The following FNBP1L variants were observed in gnomAD, a reference collection of about 807,000 sequenced individuals.
The protein encoded by FNBP1L is formin-binding protein 1-like.
Under a neutral mutation model 91.2 loss-of-function variants are expected in FNBP1L, and 36 were observed. The observed-to-expected ratio is 0.39, with a 90% confidence interval of 0.30 to 0.52. The LOEUF (loss-of-function observed/expected upper bound fraction) is 0.52, where lower values mean the gene tolerates loss of function less well. Among genes scored for constraint, FNBP1L ranks in the 20% least tolerant of loss-of-function variants. FNBP1L has a pLI of 0.66. For missense variants in FNBP1L, 571 were observed against 732.1 expected (o/e 0.78, Z 2.54); for synonymous variants, 242 against 237.0 (o/e 1.02, Z -0.19).
At chr1:93,474,457 G>T (rs1203413207) in intron 1 of FNBP1L, among the ~76,000 whole-genome samples, 1 of 152,170 alleles carries the variant, frequency 6.6e-6, no homozygotes, top group Non-Finnish European at 1.5e-5. Context: ...ATTGAGATAA[G>T]ATAAGCAGGG....
chr1:93,450,607 G>A (rs1452431602), intron 1 of FNBP1L, among the ~76,000 whole-genome samples: 2 of 152,164 alleles, frequency 1.3e-5, no homozygotes, highest in African/African-American at 4.8e-5. Context: ...CTAATGGATT[G>A]TAATGTAATA....
chr1:93,518,404 G>A (rs931400393), intron 2 of FNBP1L, among the ~76,000 whole-genome samples: 2 of 152,078 alleles, frequency 1.3e-5, no homozygotes, highest in African/African-American at 4.8e-5. Flanking sequence ...CACAAGACAG[G>A]GCTTCTCTTT....
intron 1 of FNBP1L, among the ~76,000 whole-genome samples, 154 bp downstream of exon 1, chr1:93,448,459 A>T (rs1369984502): frequency 6.7e-6 from 1 of 149,110 alleles, no homozygotes; most frequent in Non-Finnish European, 1.5e-5. Context: ...TTGTGTGCAG[A>T]CTCCTCTTCC....
At chr1:93,482,552 A>G (rs1669748154) in intron 1 of FNBP1L, among the ~76,000 whole-genome samples, 1 of 152,192 alleles carries the variant, frequency 6.6e-6, no homozygotes, top group African/African-American at 2.4e-5. Context: ...GTCTGAAATT[A>G]TGTATTCATT....
intron 1 of FNBP1L, among the ~76,000 whole-genome samples, chr1:93,489,760 T>C (rs1018618183): frequency 6.6e-5 from 10 of 152,206 alleles, no homozygotes; most frequent in Admixed American, 5.2e-4. Context: ...AATTCTACAA[T>C]ATTTCTCAAT....
chr1:93,488,135 G>A (rs1044121254), intron 1 of FNBP1L, among the ~76,000 whole-genome samples: 7 of 152,026 alleles, frequency 4.6e-5, no homozygotes, highest in East Asian at 1.9e-4. Flanking sequence ...CATTACCTTC[G>A]GAATATATCC....
rs975502112 is a variant in FNBP1L, at chr1:93,538,693, A to G, written c.1149+2203A>G. Among the ~76,000 whole-genome samples, 4 of 152,086 alleles carry G rather than the reference A, an allele frequency of 2.6e-5. No individual in the cohort carries two copies. In the East Asian group the frequency reaches 5.8e-4, roughly 22 times the overall value. On this transcript the variant is annotated intron_variant, in intron 10 of 16. Coordinates refer to ENST00000271234, the MANE Select transcript of FNBP1L (RefSeq NM_001164473.3). ...AAGGTAAGCTTTAGTAAGCCTGCTT[A>G]TATGTTTTTACATGGAATTTTCAGT...
At chr1:93,451,144 C>T (rs561915820) in intron 1 of FNBP1L, among the ~76,000 whole-genome samples, 5 of 152,254 alleles carry the variant, frequency 3.3e-5, no homozygotes, top group South Asian at 4.1e-4. Context: ...CTTCAGGATG[C>T]GTGGTAACAT....
rs542205163 is a variant in FNBP1L at position 93,478,646 on chromosome 1, G to T, written c.25-20822G>T. Among the ~76,000 whole-genome samples the T allele has an allele frequency of 3.7e-4, 56 of 152,252 alleles. 1 individual carries two copies. The South Asian group carries it at 0.01, about 28-fold the overall frequency. Reference sequence around the variant, plus strand: ...ACAGTAAAGAGGGTACCTGTATGTAGCCATGGTGGCAATGAGAGACTGATT... The same window carrying T: ...ACAGTAAAGAGGGTACCTGTATGTATCCATGGTGGCAATGAGAGACTGATT... On this transcript the variant is annotated intron_variant, in intron 1 of 16. Coordinates refer to ENST00000271234, the MANE Select transcript of FNBP1L (RefSeq NM_001164473.3).
chr1:93,496,666 A>G (rs1182454599), intron 1 of FNBP1L, among the ~76,000 whole-genome samples: 1 of 152,026 alleles, frequency 6.6e-6, no homozygotes, highest in Admixed American at 6.6e-5. Flanking sequence ...GGCCTCCCAA[A>G]GTGCTAGGCT....
At chr1:93,541,683 C>T (rs938310325) in intron 11 of FNBP1L, among the ~76,000 whole-genome samples, 2 of 151,952 alleles carry the variant, frequency 1.3e-5, no homozygotes, top group Non-Finnish European at 2.9e-5. Context: ...GAACTAACCC[C>T]AAAATTATTG....
intron 2 of FNBP1L, among the ~76,000 whole-genome samples, chr1:93,503,171 C>T (rs141560701): frequency 6.6e-6 from 1 of 152,034 alleles, no homozygotes; most frequent in Non-Finnish European, 1.5e-5. Context: ...TTAATTGACT[C>T]ACAGTTCAGC....
rs1327418818 is a variant in FNBP1L, at chr1:93,523,511, T to C, written c.342+20T>C. ...AAAATGGTAATTCTTACAATTTTCA[T>C]CCAATTGCAATAGTATATGAAATAG... On this transcript the variant is annotated intron_variant, in intron 4 of 16. Transcript: ENST00000271234. 1 of 1,589,710 alleles carries C rather than the reference T, an allele frequency of 6.3e-7. No individual in the cohort carries two copies. The highest frequency in any genetic ancestry group is 8.6e-7 in the Non-Finnish European group (1 of 1,166,422).
chr1:93,552,065 G>A (rs1418906128), intron 16 of FNBP1L: 3 of 1,054,510 alleles, frequency 2.8e-6, no homozygotes, highest in Admixed American at 5.4e-5. Flanking sequence ...TATGTGTACC[G>A]CCTTTAGGGC....
At chr1:93,537,312 G>A (rs1043979874) in intron 10 of FNBP1L, among the ~76,000 whole-genome samples, 6 of 152,072 alleles carry the variant, frequency 3.9e-5, no homozygotes, top group African/African-American at 1.4e-4. Context: ...AATGTCGTAA[G>A]AAGCCTAACA....
At chr1:93,502,275 C>T (rs1022274411) in intron 2 of FNBP1L, among the ~76,000 whole-genome samples, 2 of 152,172 alleles carry the variant, frequency 1.3e-5, no homozygotes, top group African/African-American at 4.8e-5. Context: ...TTATTTCATA[C>T]ACTTTTGAAT....
intron 2 of FNBP1L, among the ~76,000 whole-genome samples, chr1:93,516,245 A>G (rs1321869113): frequency 6.6e-6 from 1 of 152,132 alleles, no homozygotes; most frequent in African/African-American, 2.4e-5. Context: ...GGCAGTATCT[A>G]CTTTAAAATG....
At chr1:93,494,848 C>T (rs954861850) in intron 1 of FNBP1L, among the ~76,000 whole-genome samples, 5 of 152,292 alleles carry the variant, frequency 3.3e-5, no homozygotes, top group East Asian at 3.9e-4. Flanking sequence ...AGCAAAGTCA[C>T]GTCTTACATG....
chr1:93,448,928 G>A (rs758583379), intron 1 of FNBP1L, among the ~76,000 whole-genome samples: 3 of 152,236 alleles, frequency 2.0e-5, no homozygotes, highest in Non-Finnish European at 4.4e-5. Context: ...AGTGCTTCGG[G>A]CGGGCACAGC....
Sources: allele counts gnomAD v4.1 joint callset (sites outside exome capture counted in the v4.1 genomes callset), GRCh38; gene constraint gnomAD v4.1.1; transcripts MANE v1.5; gene names NCBI Gene and HGNC (gene_info 2026-07-23, HGNC 2026-07-21).